The following PBX1 variants were observed in gnomAD, a reference collection of about 807,000 sequenced individuals.
PBX1 encodes PBX homeobox 1.
PBX1 carries 6 observed loss-of-function variants against 53.4 expected under a neutral mutation model. The observed-to-expected ratio is 0.11, with a 90% confidence interval of 0.06 to 0.22. The LOEUF is 0.22. Ranked by LOEUF, PBX1 falls within the 10% of genes least tolerant of loss-of-function variation. PBX1 has a pLI of 1.00. For missense variants in PBX1, 251 were observed against 551.4 expected, an observed-to-expected ratio of 0.46 and a Z score of 5.46; for synonymous variants, 204 against 212.3, an observed-to-expected ratio of 0.96 and a Z score of 0.34.
At chr1:164,625,654 A>G (rs2994427) in intron 2 of PBX1, among the ~76,000 whole-genome samples, 149,100 of 152,228 alleles carry the variant, frequency 0.98, 73,090 homozygotes, top group Middle Eastern at 1. Flanking sequence ...GTCGTTTGAA[A>G]TTGGAAAATT....
chr1:164,746,624 G>A (rs370758672), intron 2 of PBX1, among the ~76,000 whole-genome samples: 1 of 151,946 alleles, frequency 6.6e-6, no homozygotes, highest in African/African-American at 2.4e-5. Flanking sequence ...TGGCCAGGCT[G>A]TTCTCGAACT....
intron 2 of PBX1, among the ~76,000 whole-genome samples, chr1:164,712,177 TAA>T (rs35903765): frequency 4.7e-5 from 6 of 128,996 alleles, no homozygotes; most frequent in African/African-American, 1.2e-4. Context: ...AAGAAGAGAT[TAA>T]AAAAAAAAAA....
intron 8 of PBX1, among the ~76,000 whole-genome samples, chr1:164,842,591 T>C (rs1431062081): frequency 6.6e-6 from 1 of 152,210 alleles, no homozygotes; most frequent in Non-Finnish European, 1.5e-5. Flanking sequence ...GCTGCTCTGC[T>C]GGCTTAGGCT....
intron 2 of PBX1, among the ~76,000 whole-genome samples, chr1:164,693,424 T>C (rs1220316417): frequency 1.3e-5 from 2 of 152,216 alleles, no homozygotes; most frequent in Non-Finnish European, 1.5e-5. Context: ...TTTAGGACAG[T>C]GCGACTTACG....
At chr1:164,789,191 T>G (rs964307097) in intron 2 of PBX1, among the ~76,000 whole-genome samples, 1 of 152,232 alleles carries the variant, frequency 6.6e-6, no homozygotes, top group Non-Finnish European at 1.5e-5. Context: ...ATTTCCTTTC[T>G]TATTTTATTT....
intron 2 of PBX1, among the ~76,000 whole-genome samples, chr1:164,757,156 C>A (rs1317412875): frequency 1.3e-5 from 2 of 151,910 alleles, no homozygotes; most frequent in Non-Finnish European, 2.9e-5. Flanking sequence ...GTATCATTGC[C>A]CCCCATGGAA....
chr1:164,589,907 G>A (rs898565695), intron 2 of PBX1, among the ~76,000 whole-genome samples: 4 of 152,142 alleles, frequency 2.6e-5, no homozygotes, highest in South Asian at 2.1e-4. Context: ...GGAGCCTCCC[G>A]TAAAAAGGCT....
chr1:164,706,021 T>G (rs1663402731), intron 2 of PBX1, among the ~76,000 whole-genome samples: 1 of 152,226 alleles, frequency 6.6e-6, no homozygotes, highest in Admixed American at 6.5e-5. Context: ...CCTTTTGGTT[T>G]TTGATTGCTG....
chr1:164,741,929 T>G (rs2102168964), intron 2 of PBX1, among the ~76,000 whole-genome samples: 1 of 152,262 alleles, frequency 6.6e-6, no homozygotes, highest in African/African-American at 2.4e-5. Flanking sequence ...TAGATTTTTT[T>G]TTTAACATTT....
intron 2 of PBX1, among the ~76,000 whole-genome samples, chr1:164,875,988 G>GTGTATATATATATATATATATATA (rs776802784): frequency 1.6e-4 from 9 of 56,942 alleles, no homozygotes; most frequent in Admixed American, 4.6e-4. Context: ...TGGTGTATGT[G>GTGTATATATATATATATATATATA]TATATATATA....
At chr1:164,741,824 T>C (rs1351114373) in intron 2 of PBX1, among the ~76,000 whole-genome samples, 1 of 150,922 alleles carries the variant, frequency 6.6e-6, no homozygotes, top group Non-Finnish European at 1.5e-5. Flanking sequence ...AGGGTGAAAA[T>C]CACCTACGTT....
chr1:164,798,051 G>A (rs1219687839), intron 3 of PBX1, among the ~76,000 whole-genome samples: 4 of 152,184 alleles, frequency 2.6e-5, no homozygotes, highest in Non-Finnish European at 5.9e-5. Flanking sequence ...CCACTTTTGG[G>A]TGAGTTAAAT....
chr1:164,622,287 G>A (rs796501429), intron 2 of PBX1, among the ~76,000 whole-genome samples: 9 of 145,548 alleles, frequency 6.2e-5, no homozygotes, highest in Admixed American at 2.0e-4. Flanking sequence ...TCTCTGGGCC[G>A]CACTGTTGTG....
At chr1:164,650,393 TA>T (rs1468235646) in intron 2 of PBX1, among the ~76,000 whole-genome samples, 2 of 152,072 alleles carry the variant, frequency 1.3e-5, no homozygotes, top group African/African-American at 4.8e-5. Flanking sequence ...CATGCCTGAC[TA>T]GTTTTTGTAT....
At chr1:164,652,706 T>G (rs2101926242) in intron 2 of PBX1, among the ~76,000 whole-genome samples, 1 of 152,256 alleles carries the variant, frequency 6.6e-6, no homozygotes, top group Admixed American at 6.5e-5. Context: ...AAAATTTATA[T>G]ACAGCAAAAT....
intron 2 of PBX1, among the ~76,000 whole-genome samples, chr1:164,611,420 A>T (rs941717251): frequency 7.9e-5 from 12 of 151,708 alleles, no homozygotes; most frequent in African/African-American, 2.4e-4. Context: ...TTGTATTTTT[A>T]GTAGAGACGG....
At chr1:164,579,534 G>C (rs925577704) in intron 2 of PBX1, among the ~76,000 whole-genome samples, 1 of 152,192 alleles carries the variant, frequency 6.6e-6, no homozygotes, top group Non-Finnish European at 1.5e-5. Context: ...ACTGGTCTAG[G>C]AGCTTGTTCA....
Position 164,792,666 on chromosome 1 carries a change from G to A in PBX1, c.438G>A (p.Glu146=), listed in dbSNP as rs1246026174. Residue 146 remains glutamate, a synonymous_variant, in exon 3 of 9, where the codon GAG becomes GAA. Coordinates refer to ENST00000420696, the MANE Select transcript of PBX1 (RefSeq NM_002585.4). Reference sequence around the variant, plus strand: ...GGGCAGGTTCAGACAACTCAGTGGAGCATTCAGATTACAGAGCCAAACTCT... The same window carrying A: ...GGGCAGGTTCAGACAACTCAGTGGAACATTCAGATTACAGAGCCAAACTCT... The part of the protein sequence containing the change: ...SGGAGSDNSV[E]HSDYRAKLSQ... The A allele has an allele frequency of 5.6e-6, 9 of 1,614,062 alleles. No homozygotes were observed. Among genetic ancestry groups the A allele is most frequent in the South Asian group, 1.1e-5 (1 of 91,076 alleles).
Position 164,777,297 on chromosome 1 carries a change from C to G in PBX1, c.266-15197C>G, listed in dbSNP as rs112842428. On this transcript the variant is annotated intron_variant, in intron 2 of 8. Transcript: ENST00000420696. ...AACTAGCCAGGCATGGTGGCACGCA[C>G]CTGTAGTCACAGCCACCTGGGAGGC... Among the ~76,000 whole-genome samples the G allele has an allele frequency of 2.8e-3, 420 of 152,228 alleles. 6 individuals carry two copies. The highest frequency in any genetic ancestry group is 9.6e-3 in the African/African-American group (397 of 41,548).
Sources: gnomAD v4.1 joint callset for allele counts (sites outside exome capture counted in the v4.1 genomes callset) on GRCh38, gnomAD v4.1.1 for gene constraint, MANE v1.5 for transcripts, NCBI Gene and HGNC (gene_info 2026-07-23, HGNC 2026-07-21) for gene names.